The following FAIM2 variants were observed in gnomAD, a reference collection of about 807,000 sequenced individuals.
FAIM2 encodes protein lifeguard 2.
A neutral mutation model predicts 47.4 loss-of-function variants in FAIM2; 27 were observed. The observed-to-expected ratio is 0.57, with a 90% CI of 0.42 to 0.78. The LOEUF is 0.78. Ranked by LOEUF, FAIM2 falls within the 30% of genes least tolerant of loss-of-function variation. The pLI is 0.00. For missense variants in FAIM2, 311 were observed against 389.4 expected (o/e 0.80, Z 1.69); for synonymous variants, 156 against 159.3 (o/e 0.98, Z 0.16).
At chr12:49,900,190 A>G in intron 2 of FAIM2, 2 of 1,287,538 alleles carry the variant, frequency 1.6e-6, no homozygotes, top group African/African-American at 3.0e-5. Flanking sequence ...CGGTGGGGTG[A>G]GTCTTCAGGG....
intron 11 of FAIM2, among the ~76,000 whole-genome samples, chr12:49,880,697 T>C (rs1946816153): frequency 6.6e-6 from 1 of 150,832 alleles, no homozygotes; most frequent in South Asian, 2.1e-4. Context: ...TGTATGCATG[T>C]GAGTCCATGT....
chr12:49,892,845 A>G (rs757715557), intron 5 of FAIM2, among the ~76,000 whole-genome samples: 18 of 152,194 alleles, frequency 1.2e-4, no homozygotes, highest in Non-Finnish European at 2.2e-4. Context: ...GTAATGTTCA[A>G]CAGGTTAGAG....
rs1235251992 is a variant in FAIM2, at chr12:49,903,840, G to A, written c.-48C>T. 8 of 1,512,270 alleles carry A rather than the reference G, an allele frequency of 5.3e-6. No individual in the cohort carries two copies. The allele number at this position is 1,512,270 out of a possible 1,614,324, so 93.7% of individuals were successfully genotyped here. A position where few individuals can be genotyped will look rare whatever the true frequency, so the allele number is the denominator to read the frequency against. On this transcript the variant is annotated 5_prime_UTR_variant, in exon 1 of 12. Transcript: ENST00000320634. Reference sequence around the variant, plus strand: ...GTCCCTGAGGCCCGGGTGGCCGCTTGGGTAACCGCAGCCTGCCTGCGTCTC... The same window carrying A: ...GTCCCTGAGGCCCGGGTGGCCGCTTAGGTAACCGCAGCCTGCCTGCGTCTC...
At chr12:49,889,347 G>T in intron 9 of FAIM2, 134 bp downstream of exon 9, 1 of 983,872 alleles carries the variant, frequency 1.0e-6, no homozygotes, top group Non-Finnish European at 1.6e-6. Context: ...TCATCAGGTG[G>T]CTTCCCCAAA....
At position 49,878,961 on chromosome 12, in the gene FAIM2, T is replaced by C; in HGVS notation, c.802-8308A>G. 1.5e-5 allele frequency among the ~76,000 whole-genome samples: 2 copies of C among 137,092 alleles called. 1 individual carries two copies. Among genetic ancestry groups the C allele is most frequent in the Non-Finnish European group, 3.1e-5 (2 of 64,554 alleles). 89.9% of individuals were successfully genotyped at this position (137,092 alleles called of 152,430 possible). ...GCATGTGTGTATGTTCATGTGTATATGTGCGTATGTGTATATGTATGCATA... is the reference window on the plus strand; with the variant it reads ...GCATGTGTGTATGTTCATGTGTATACGTGCGTATGTGTATATGTATGCATA... On this transcript the variant is annotated intron_variant, in intron 11 of 11. Coordinates refer to ENST00000320634, the MANE Select transcript of FAIM2 (RefSeq NM_012306.4).
chr12:49,898,444 C>T (rs1431771207), intron 2 of FAIM2, among the ~76,000 whole-genome samples: 1 of 152,228 alleles, frequency 6.6e-6, no homozygotes, highest in African/African-American at 2.4e-5. Context: ...CCCTTGTGGT[C>T]AAGGATCACA....
intron 11 of FAIM2, among the ~76,000 whole-genome samples, chr12:49,883,261 C>G (rs1056577836): frequency 2.6e-5 from 4 of 152,132 alleles, no homozygotes; most frequent in Non-Finnish European, 5.9e-5. Context: ...CAGGGGCAGC[C>G]TGCAGGAGGC....
rs541646522 is a variant in FAIM2 at position 49,894,795 on chromosome 12, C to T, written c.434+2236G>A. On this transcript the variant is annotated intron_variant, in intron 5 of 11. Coordinates refer to ENST00000320634, the MANE Select transcript of FAIM2 (RefSeq NM_012306.4). ...CTGCTCTGAGCCTCACTTTCCTCAA[C>T]TGTTAAATGAGGATAACAGTAGTGT... 3.9e-5 allele frequency among the ~76,000 whole-genome samples: 6 copies of T among 152,352 alleles called. No individual in the cohort carries two copies. In the East Asian group the frequency reaches 5.8e-4, roughly 15 times the overall value.
chr12:49,884,911 T>A (rs377612138), intron 11 of FAIM2, among the ~76,000 whole-genome samples: 1 of 152,086 alleles, frequency 6.6e-6, no homozygotes, highest in Non-Finnish European at 1.5e-5. Flanking sequence ...GAGGTGGAGC[T>A]TGCAGTCAGC....
intron 1 of FAIM2, 46 bp downstream of exon 1, chr12:49,903,732 G>C: frequency 6.4e-7 from 1 of 1,550,760 alleles, no homozygotes; most frequent in Non-Finnish European, 8.7e-7. Flanking sequence ...CAGGGAGCCG[G>C]GAGCCGGAGG....
At chr12:49,897,177 G>T (rs1436119975) in intron 4 of FAIM2, 93 bp from the exon 5 acceptor site, 3 of 1,097,642 alleles carry the variant, frequency 2.7e-6, no homozygotes, top group East Asian at 4.7e-5. Context: ...ACAGTTCACA[G>T]AACTTGAGAG....
intron 5 of FAIM2, among the ~76,000 whole-genome samples, chr12:49,895,337 C>A (rs889051676): frequency 4.6e-5 from 7 of 152,078 alleles, no homozygotes; most frequent in East Asian, 1.9e-4. Flanking sequence ...CCCATCCCCC[C>A]CAATGGAGTG....
chr12:49,885,822 A>C (rs1245614404), intron 11 of FAIM2, among the ~76,000 whole-genome samples: 1 of 152,142 alleles, frequency 6.6e-6, no homozygotes, highest in Non-Finnish European at 1.5e-5. Context: ...GCTACTCTGC[A>C]CCACGCACTG....
chr12:49,894,919 C>T (rs1214536768), intron 5 of FAIM2, among the ~76,000 whole-genome samples: 1 of 152,182 alleles, frequency 6.6e-6, no homozygotes, highest in Non-Finnish European at 1.5e-5. Context: ...CTTCTCAATG[C>T]TCCTATTGTT....
intron 11 of FAIM2, among the ~76,000 whole-genome samples, chr12:49,870,887 G>A (rs748713436): frequency 1.4e-4 from 22 of 152,230 alleles, no homozygotes; most frequent in Non-Finnish European, 2.1e-4. Context: ...CAAGACAGCC[G>A]GGATCCCTGT....
rs115429098 is a variant in FAIM2 at position 49,891,248 on chromosome 12, C to T, written c.435-134G>A. 206 of 761,456 alleles carry T rather than the reference C, an allele frequency of 2.7e-4. No homozygotes were observed. The African/African-American group carries it at 2.9e-3, about 11-fold the overall frequency. 47.2% of individuals were successfully genotyped at this position (761,456 alleles called of 1,614,324 possible). Reference sequence around the variant, plus strand: ...AGGGACAGGATGGGGAGGCCACGGTCATCCTAGAACCTGGCAGTGGGCAGG... The same window carrying T: ...AGGGACAGGATGGGGAGGCCACGGTTATCCTAGAACCTGGCAGTGGGCAGG... On this transcript the variant is annotated intron_variant, in intron 5 of 11. Coordinates refer to ENST00000320634, the MANE Select transcript of FAIM2 (RefSeq NM_012306.4).
intron 11 of FAIM2, among the ~76,000 whole-genome samples, chr12:49,871,987 T>C (rs1946706451): frequency 6.6e-6 from 1 of 152,184 alleles, no homozygotes; most frequent in Admixed American, 6.5e-5. Context: ...TTCTTTTACA[T>C]TGATTCACAT....
rs548147857 is a variant in FAIM2 at position 49,880,812 on chromosome 12, ATG to A, written c.801+6572_801+6573del. On this transcript the variant is annotated intron_variant, in intron 11 of 11. Coordinates refer to ENST00000320634, the MANE Select transcript of FAIM2 (RefSeq NM_012306.4). ...TGTATATGTGTTTGTGCATGTGGCT[ATG>A]TGTGTATATGTGAGTTTATGTGAGT... Among the ~76,000 whole-genome samples the A allele has an allele frequency of 1.5e-3, 223 of 151,276 alleles. 1 individual carries two copies. Among genetic ancestry groups the A allele is most frequent in the African/African-American group, 5.1e-3 (209 of 41,090 alleles).
intron 6 of FAIM2, 144 bp downstream of exon 6, chr12:49,890,920 G>T: frequency 1.1e-6 from 1 of 893,878 alleles, no homozygotes. Flanking sequence ...AAAGGAGGGA[G>T]GGGCTGCCTG....
Sources: gnomAD v4.1 joint callset for allele counts (sites outside exome capture counted in the v4.1 genomes callset) on GRCh38, gnomAD v4.1.1 for gene constraint, MANE v1.5 for transcripts, NCBI Gene and HGNC (gene_info 2026-07-23, HGNC 2026-07-21) for gene names.